Variants in BRF1 observed in about 807,000 individuals in gnomAD.
The protein encoded by BRF1 is transcription factor IIIB 90 kDa subunit.
BRF1 carries 59 observed loss-of-function variants against 81.7 expected under a neutral mutation model. The ratio of observed to expected loss-of-function variants is 0.72; its 90% CI spans 0.59 to 0.90. The LOEUF is 0.90. BRF1 is among the 40% of genes least tolerant of loss of function. BRF1 has a pLI of 0.00. For missense variants in BRF1, 1,050 were observed against 936.3 expected (o/e 1.12, Z -1.58); for synonymous variants, 491 against 395.6 (o/e 1.24, Z -2.86).
Position 105,219,206 on chromosome 14 carries a change from G to C in BRF1, c.1404C>G (p.Arg468=), listed in dbSNP as rs752899699. The part of the protein sequence containing the change: ...DRYILNESEA[R]VKAELWMREN... ...CCCTCATCCACAGCTCGGCCTTCAC[G>C]CGGGCTTCCGACTCATTCAGGATGT... Residue 468 remains arginine, a synonymous_variant, in exon 13 of 18, where the codon CGC becomes CGG. Coordinates refer to ENST00000547530, the MANE Select transcript of BRF1 (RefSeq NM_001519.4). 6.2e-7 allele frequency: 1 copy of C among 1,612,536 alleles called. No homozygotes were observed. The highest frequency in any genetic ancestry group is 8.5e-7 in the Non-Finnish European group (1 of 1,179,072).
Position 105,299,427 on chromosome 14 carries a change from G to T in BRF1, c.184+1019C>A, listed in dbSNP as rs75600103. Among the ~76,000 whole-genome samples, 5 of 151,936 alleles carry T rather than the reference G, an allele frequency of 3.3e-5. No individual in the cohort carries two copies. The East Asian group carries it at 9.7e-4, about 29-fold the overall frequency. On this transcript the variant is annotated intron_variant, in intron 1 of 17. Transcript: ENST00000547530. Reference sequence around the variant, plus strand: ...CTACTAAAAATAAAATAAAATAAATGATCACAGCATGGTGGCATGCACCTG... The same window carrying T: ...CTACTAAAAATAAAATAAAATAAATTATCACAGCATGGTGGCATGCACCTG...
At chr14:105,264,260 C>T (rs2056297571) in intron 3 of BRF1, among the ~76,000 whole-genome samples, 1 of 151,834 alleles carries the variant, frequency 6.6e-6, no homozygotes, top group Non-Finnish European at 1.5e-5. Context: ...AGCTTCTGCC[C>T]AGGAGTTCAA....
chr14:105,241,075 A>G (rs755365729), intron 6 of BRF1, among the ~76,000 whole-genome samples, 190 bp downstream of exon 6: 1 of 152,210 alleles, frequency 6.6e-6, no homozygotes, highest in Non-Finnish European at 1.5e-5. Context: ...CGCAGAGGCC[A>G]ACGGGGCAGC....
At chr14:105,220,190 C>T in intron 11 of BRF1, 60 bp from the exon 12 acceptor site, 3 of 1,602,588 alleles carry the variant, frequency 1.9e-6, no homozygotes, top group Non-Finnish European at 2.6e-6. Context: ...GGAGCGTGGC[C>T]ACCACCTGGG....
intron 1 of BRF1, among the ~76,000 whole-genome samples, chr14:105,312,295 C>T (rs1401754260): frequency 6.6e-6 from 1 of 152,196 alleles, no homozygotes; most frequent in Non-Finnish European, 1.5e-5. Context: ...CAATGGAATC[C>T]TAGCCAAGCA....
chr14:105,214,678 C>T (rs960266745), intron 15 of BRF1, among the ~76,000 whole-genome samples: 11 of 152,172 alleles, frequency 7.2e-5, no homozygotes, highest in Non-Finnish European at 1.5e-4. Context: ...AAAGGGGGTG[C>T]AGCTCAGGCT....
intron 4 of BRF1, among the ~76,000 whole-genome samples, chr14:105,253,905 T>C (rs1261184556): frequency 1.3e-5 from 2 of 152,234 alleles, no homozygotes; most frequent in African/African-American, 4.8e-5. Context: ...AGTGTGTGTG[T>C]GCATCCGCAT....
chr14:105,256,591 C>G (rs587683611), intron 3 of BRF1, 42 bp from the exon 4 acceptor site: 1 of 1,606,548 alleles, frequency 6.2e-7, no homozygotes, highest in Admixed American at 1.7e-5. Context: ...GCTGCAAGCT[C>G]AGGTTACTCG....
In BRF1 at chr14:105,249,095, T is replaced by C. The variant is rs1274948212; in HGVS notation, c.544+3412A>G. On this transcript the variant is annotated intron_variant, in intron 5 of 17. Coordinates refer to ENST00000547530, the MANE Select transcript of BRF1 (RefSeq NM_001519.4). ...CCACGCTGCGCGAGAGGTGAGCCCG[T>C]GCCCCGCGGCCCCCGCGCCCGCGCG... The C allele has an allele frequency of 2.0e-6, 3 of 1,484,234 alleles. 1 individual carries two copies. The East Asian group carries it at 8.2e-5, about 41-fold the overall frequency. 91.9% of individuals were successfully genotyped at this position (1,484,234 alleles called of 1,614,324 possible).
At chr14:105,277,841 G>T (rs2056909628) in intron 2 of BRF1, among the ~76,000 whole-genome samples, 1 of 152,162 alleles carries the variant, frequency 6.6e-6, no homozygotes, top group Admixed American at 6.5e-5. Flanking sequence ...TGCAACCTCT[G>T]CTTCCCGGGT....
chr14:105,287,869 A>G (rs67426629), intron 1 of BRF1, among the ~76,000 whole-genome samples: 5,411 of 152,340 alleles, frequency 0.036, 174 homozygotes, highest in African/African-American at 0.085. Flanking sequence ...GCCCGTCCGG[A>G]AACTCAGAGC....
In BRF1 at chr14:105,271,800, C is replaced by T. The variant is rs1018887684; in HGVS notation, c.439+921G>A. The stretch of plus-strand genomic sequence containing the variant: ...CAAGAGAACACCAGACACTGGATCT[C>T]CACGCAAGGCCAAGCTGCACACCGC... On this transcript the variant is annotated intron_variant, in intron 3 of 17. Transcript: ENST00000547530. The surrounding 1 kb of genome is among the most constrained non-coding windows in gnomAD (Gnocchi z 5.5). 1.3e-5 allele frequency among the ~76,000 whole-genome samples: 2 copies of T among 152,170 alleles called. No homozygotes were observed.
Position 105,211,173 on chromosome 14 carries a change from CG to C in BRF1, c.1944del (p.Asp648GlufsTer14). The C allele has an allele frequency of 6.2e-7, 1 of 1,612,576 alleles. No individual in the cohort carries two copies. The highest frequency in any genetic ancestry group is 8.5e-7 in the Non-Finnish European group (1 of 1,179,914). On this transcript the variant is annotated frameshift_variant, in exon 17 of 18. Transcript: ENST00000547530. LOFTEE classifies it high-confidence loss of function. ...CTGACGCAGGGCTCCCCGTCCTCCT[CG>C]TCAGGCTCCTCCTCGTCAGCCTCCT... Reference protein sequence around the residue: ...ADEEADEEEPDEEDGEPCVSA... With the variant: ...ADEEADEEEPXEEDGEPCVSA...
intron 10 of BRF1, among the ~76,000 whole-genome samples, chr14:105,223,938 TCTAAA>T (rs1892692997): frequency 1.3e-5 from 2 of 152,330 alleles, no homozygotes; most frequent in East Asian, 3.9e-4. Context: ...CACAAGTAGC[TCTAAA>T]CTAACCCAAT....
intron 5 of BRF1, 194 bp from the exon 6 acceptor site, chr14:105,241,608 C>A: frequency 1.4e-6 from 1 of 698,952 alleles, no homozygotes; most frequent in Non-Finnish European, 2.4e-6. Context: ...CCAGGAGAGC[C>A]ACTGGCCACC....
At chr14:105,226,342 C>T (rs778377381) in intron 8 of BRF1, 52 bp from the exon 9 acceptor site, 40 of 1,612,254 alleles carry the variant, frequency 2.5e-5, no homozygotes, top group South Asian at 9.9e-5. Context: ...TGGTGCACAG[C>T]GCAGCCTCTG....
At chr14:105,243,920 A>T (rs910923999) in intron 5 of BRF1, among the ~76,000 whole-genome samples, 2 of 152,102 alleles carry the variant, frequency 1.3e-5, no homozygotes, top group Non-Finnish European at 2.9e-5. Flanking sequence ...AATTTGCTTG[A>T]ACCCGGGAGG....
At chr14:105,224,922 G>T (rs1476622860) in intron 10 of BRF1, among the ~76,000 whole-genome samples, 1 of 152,208 alleles carries the variant, frequency 6.6e-6, no homozygotes, top group Admixed American at 6.5e-5. Flanking sequence ...TCCCGGAGGG[G>T]TCCCCATGGT....
chr14:105,275,023 C>A (rs992826197), intron 2 of BRF1, among the ~76,000 whole-genome samples: 19 of 152,194 alleles, frequency 1.2e-4, no homozygotes, highest in Non-Finnish European at 1.2e-4. Flanking sequence ...CTACCTGAGG[C>A]GGCCTCCATC....
Sources: gnomAD v4.1 joint callset for allele counts (sites outside exome capture counted in the v4.1 genomes callset) on GRCh38, gnomAD v4.1.1 for gene constraint, Gnocchi (gnomAD v3.1) non-coding constraint, MANE v1.5 for transcripts, NCBI Gene and HGNC (gene_info 2026-07-23, HGNC 2026-07-21) for gene names.